The following DGKD variants were observed in gnomAD, a reference collection of about 807,000 sequenced individuals.
The protein encoded by DGKD is DAG kinase delta.
DGKD carries 68 observed loss-of-function variants against 154.4 expected under a neutral mutation model. That is an observed-to-expected ratio of 0.44 (90% CI 0.36 to 0.54). The LOEUF (loss-of-function observed/expected upper bound fraction) is 0.54, where lower values mean the gene tolerates loss of function less well. Ranked by LOEUF, DGKD falls within the 20% of genes least tolerant of loss-of-function variation. The pLI is 0.00. For missense variants in DGKD, 1,343 were observed against 1,593.6 expected (o/e 0.84, Z 2.68); for synonymous variants, 693 against 638.0 (o/e 1.09, Z -1.30).
At chr2:233,392,066 C>T (rs1575027278) in intron 3 of DGKD, 1 of 152,200 alleles carries the variant, frequency 6.6e-6, no homozygotes, top group South Asian at 2.1e-4. Flanking sequence ...CCTTTGTCAC[C>T]CAGGCTGAAG....
chr2:233,440,282 T>TAC lies in DGKD; in HGVS notation c.1086-1603_1086-1602dup, dbSNP rs2062842200. On this transcript the variant is annotated intron_variant, in intron 9 of 29. Coordinates refer to ENST00000264057, the MANE Select transcript of DGKD (RefSeq NM_152879.3). The surrounding 1 kb of genome is among the most constrained non-coding windows in gnomAD (Gnocchi z 4.9). ...CTCTTCTCCCGAGAGCAGGGGGCCT[T>TAC]ACAGGTGTCAGTGTTCTGTGTGGAG... Among the ~76,000 whole-genome samples the TAC allele has an allele frequency of 6.6e-6, 1 of 152,162 alleles. No homozygotes were observed.
intron 19 of DGKD, among the ~76,000 whole-genome samples, chr2:233,456,519 G>A (rs1353216081): frequency 6.6e-6 from 1 of 152,192 alleles, no homozygotes; most frequent in Non-Finnish European, 1.5e-5. Flanking sequence ...GGATTATGAG[G>A]AGTGTCTTCT....
chr2:233,444,536 T>C (rs1052179214), intron 10 of DGKD, among the ~76,000 whole-genome samples: 16 of 151,410 alleles, frequency 1.1e-4, no homozygotes, highest in African/African-American at 3.9e-4. Flanking sequence ...TCTCCCTGCC[T>C]GGAGCACCAT....
chr2:233,461,135 G>A (rs1241287619), intron 24 of DGKD, among the ~76,000 whole-genome samples: 4 of 152,128 alleles, frequency 2.6e-5, no homozygotes, highest in African/African-American at 9.7e-5. Flanking sequence ...TGCCATTCCT[G>A]CTCCTCGCCC....
At chr2:233,368,171 G>C (rs1157046119) in intron 1 of DGKD, among the ~76,000 whole-genome samples, 2 of 152,026 alleles carry the variant, frequency 1.3e-5, no homozygotes, top group African/African-American at 2.4e-5. Flanking sequence ...CACCCCCATT[G>C]TGTCATTTAT....
intron 16 of DGKD, among the ~76,000 whole-genome samples, chr2:233,450,418 C>T (rs1031394328): frequency 1.4e-4 from 21 of 152,162 alleles, no homozygotes; most frequent in Admixed American, 2.6e-4. Context: ...CTCACTGCTT[C>T]CTTGGAACCA....
rs547943067 is a variant in DGKD, at chr2:233,447,625, G to A, written c.1420-462G>A. On this transcript the variant is annotated intron_variant, in intron 12 of 29. Coordinates refer to ENST00000264057, the MANE Select transcript of DGKD (RefSeq NM_152879.3). ...ACCCTGGGGCTGGGTCCTAAGGACA[G>A]CAGGGATCCCACAGGGATAGGGCTG... 244 of 994,468 alleles carry A rather than the reference G, an allele frequency of 2.5e-4. 1 individual carries two copies. The highest frequency in any genetic ancestry group is 4.1e-4 in the Admixed American group (7 of 17,056). 61.6% of individuals were successfully genotyped at this position (994,468 alleles called of 1,614,324 possible). A position where few individuals can be genotyped will look rare whatever the true frequency, so the allele number is the denominator to read the frequency against.
chr2:233,396,425 G>A (rs559518504), intron 3 of DGKD, among the ~76,000 whole-genome samples: 4 of 151,078 alleles, frequency 2.6e-5, no homozygotes, highest in African/African-American at 4.9e-5. Context: ...GGGGTCTACC[G>A]TGGGCCACAC....
intron 24 of DGKD, 63 bp from the exon 25 acceptor site, chr2:233,462,285 G>A (rs886744943): frequency 5.2e-6 from 7 of 1,355,506 alleles, no homozygotes; most frequent in South Asian, 3.8e-5. Context: ...GTTCAGATGC[G>A]TATTGTGAAA....
intron 3 of DGKD, among the ~76,000 whole-genome samples, chr2:233,418,022 C>T (rs1169211807): frequency 6.6e-6 from 1 of 152,184 alleles, no homozygotes; most frequent in Non-Finnish European, 1.5e-5. Flanking sequence ...GGGCCTTTTT[C>T]TGTGAATATT....
Position 233,446,764 on chromosome 2 carries a change from A to G in DGKD, c.1387A>G (p.Thr463Ala), listed in dbSNP as rs751667256. 1.9e-5 allele frequency: 30 copies of G among 1,614,008 alleles called. No homozygotes were observed. Among genetic ancestry groups the G allele is most frequent in the South Asian group, 3.3e-5 (3 of 91,092 alleles). ...GCTCCCCCGGCAGGCCTCCTCCTCT[A>G]CCGTCACCGAAGACTTCAGCGAGGA... is the stretch of plus-strand genomic sequence containing the variant. ...AKLPRQASSS[T>A]VTEDFSEDSE... Residue 463 changes from threonine (T) to alanine (A), a missense_variant, in exon 12 of 30, where the codon ACC (threonine) becomes GCC (alanine). Physicochemically the swap from Thr to Ala is moderately conservative, Grantham distance 58. Coordinates refer to ENST00000264057, the MANE Select transcript of DGKD (RefSeq NM_152879.3).
chr2:233,354,804 C>T lies in DGKD; in HGVS notation c.156+130C>T, dbSNP rs1453561064. ...CGGCCCGGGGTCCCGCGGGCGTCAC[C>T]GCCCCTGTCGAGCGTGCCCCGCCGC... On this transcript the variant is annotated intron_variant, in intron 1 of 29. Coordinates refer to ENST00000264057, the MANE Select transcript of DGKD (RefSeq NM_152879.3). This position sits in a 1 kb window ranked among gnomAD's most constrained non-coding sequence, Gnocchi z 4.8. 1.4e-5 allele frequency: 5 copies of T among 369,718 alleles called. No homozygotes were observed. Among genetic ancestry groups the T allele is most frequent in the Admixed American group, 6.7e-5 (1 of 14,958 alleles). The allele number at this position is 369,718 out of a possible 1,614,324, so 22.9% of individuals were successfully genotyped here. A position where few individuals can be genotyped will look rare whatever the true frequency, so the allele number is the denominator to read the frequency against.
Position 233,434,882 on chromosome 2 carries a change from G to T in DGKD, c.567G>T (p.Ser189=), listed in dbSNP as rs774933426. ...VCREALSGVT[S]HGLSCEVCKF... ...GTGAGGCTCTGTCTGGGGTCACGTC[G>T]CACGGGCTGTCCTGCGAGGGTACGG... Residue 189 remains serine, a synonymous_variant, in exon 5 of 30, where the codon TCG becomes TCT. Transcript: ENST00000264057. 23 of 1,613,598 alleles carry T rather than the reference G, an allele frequency of 1.4e-5. No individual in the cohort carries two copies. In the South Asian group the frequency reaches 1.8e-4, roughly 12 times the overall value.
Position 233,452,759 on chromosome 2 carries a change from A to C in DGKD, c.2264+699A>C, listed in dbSNP as rs2063333895. The stretch of plus-strand genomic sequence containing the variant: ...CATTTTGGAGACAAGTGGTGTTTTG[A>C]AAACCTGTTTTTCTGCACTCATCTT... On this transcript the variant is annotated intron_variant, in intron 18 of 29. Coordinates refer to ENST00000264057, the MANE Select transcript of DGKD (RefSeq NM_152879.3). This position sits in a 1 kb window ranked among gnomAD's most constrained non-coding sequence, Gnocchi z 4.0. Among the ~76,000 whole-genome samples the C allele has an allele frequency of 6.6e-6, 1 of 152,178 alleles. No individual in the cohort carries two copies. The highest frequency in any genetic ancestry group is 2.1e-4 in the South Asian group (1 of 4,834).
rs142648522 is a variant in DGKD, at chr2:233,391,628, A to G, written c.348+1145A>G. Among the ~76,000 whole-genome samples, 20 of 152,350 alleles carry G rather than the reference A, an allele frequency of 1.3e-4. No homozygotes were observed. In the East Asian group the frequency reaches 3.9e-3, roughly 29 times the overall value. The stretch of plus-strand genomic sequence containing the variant: ...TTTATGTTATTAGGCCATCCCATGT[A>G]GACAAAAAGTGTGTACCCTAATTAA... On this transcript the variant is annotated intron_variant, in intron 3 of 29. Coordinates refer to ENST00000264057, the MANE Select transcript of DGKD (RefSeq NM_152879.3).
chr2:233,446,617 G>T, intron 11 of DGKD, 95 bp from the exon 12 acceptor site: 1 of 1,301,488 alleles, frequency 7.7e-7, no homozygotes, highest in Non-Finnish European at 1.1e-6. Context: ...ACGGTGTAAA[G>T]ATCAAGGCTG....
At chr2:233,455,593 A>G (rs1575158509) in intron 19 of DGKD, among the ~76,000 whole-genome samples, 1 of 152,186 alleles carries the variant, frequency 6.6e-6, no homozygotes, top group South Asian at 2.1e-4. Flanking sequence ...GGGAGAAATG[A>G]GTGTGGGGGT....
chr2:233,444,514 C>T (rs1409052479), intron 10 of DGKD, among the ~76,000 whole-genome samples: 2 of 151,624 alleles, frequency 1.3e-5, no homozygotes, highest in Non-Finnish European at 1.5e-5. Flanking sequence ...GCCTTGCCCC[C>T]TCCCAGTGGT....
At chr2:233,464,086 G>T in intron 26 of DGKD, 78 bp from the exon 27 acceptor site, 2 of 1,587,356 alleles carry the variant, frequency 1.3e-6, no homozygotes, top group Non-Finnish European at 1.7e-6. Flanking sequence ...CCCTGGAGCG[G>T]ACCTCACCCC....
Sources: gnomAD v4.1 joint callset for allele counts (sites outside exome capture counted in the v4.1 genomes callset) on GRCh38, gnomAD v4.1.1 for gene constraint, Gnocchi (gnomAD v3.1) non-coding constraint, MANE v1.5 for transcripts, NCBI Gene and HGNC (gene_info 2026-07-23, HGNC 2026-07-21) for gene names.